RNF213: variants seen among roughly 807,000 people sequenced by gnomAD.
The protein encoded by RNF213 is ring finger protein 213.
In RNF213, 341 loss-of-function variants were observed where a neutral mutation model predicts 514.4. The observed-to-expected ratio is 0.66, with a 90% CI of 0.61 to 0.73. RNF213 has a LOEUF of 0.73. Among genes scored for constraint, RNF213 ranks in the 30% least tolerant of loss-of-function variants. The pLI, the probability that RNF213 is intolerant of heterozygous loss-of-function variation, is 0.00. For synonymous variants in RNF213, 2,655 were observed against 2,658.2 expected (o/e 1.00, Z 0.04); for missense variants, 5,767 against 6,615.6 (o/e 0.87, Z 4.45).
rs920092744 is a variant in RNF213, at chr17:80,334,189, A to C, written c.4228A>C (p.Ile1410Leu). Residue 1410 changes from isoleucine (I) to leucine (L), a missense_variant, in exon 22 of 68, where the codon ATC becomes CTC. Physicochemically the swap from Ile to Leu is conservative, Grantham distance 5. This residue lies in a region of RNF213 where 516 missense variants were observed against 566.5 expected (regional missense o/e 0.91). Coordinates refer to ENST00000582970, the MANE Select transcript of RNF213 (RefSeq NM_001256071.3). ...LIQAKKLLQD[I>L]SEARCKGLQA... is the part of the protein sequence containing the mutation. The stretch of plus-strand genomic sequence containing the variant: ...CCAGGCCAAAAAGCTGCTCCAGGAC[A>C]TCAGCGAGGCCCGGTGCAAGGGGCT... The C allele has an allele frequency of 5.2e-6, 8 of 1,537,252 alleles. No individual in the cohort carries two copies. Among genetic ancestry groups the C allele is most frequent in the Non-Finnish European group, 7.0e-6 (8 of 1,146,892 alleles).
intron 55 of RNF213, among the ~76,000 whole-genome samples, chr17:80,380,206 A>G (rs1249312660): frequency 6.6e-6 from 1 of 152,220 alleles, no homozygotes; most frequent in Non-Finnish European, 1.5e-5. Flanking sequence ...TACAAATCCG[A>G]TCCCACAATC....
At chr17:80,387,518 G>A (rs1394571382) in intron 63 of RNF213, among the ~76,000 whole-genome samples, 1 of 152,180 alleles carries the variant, frequency 6.6e-6, no homozygotes, top group Non-Finnish European at 1.5e-5. Context: ...TGCCTTCTGT[G>A]TGTCCTCACC....
At chr17:80,294,406 TC>T (rs1174355616) in intron 8 of RNF213, among the ~76,000 whole-genome samples, 1 of 152,184 alleles carries the variant, frequency 6.6e-6, no homozygotes, top group Non-Finnish European at 1.5e-5. Flanking sequence ...AAGTTGTTGA[TC>T]AAGTTTGCTG....
Position 80,377,969 on chromosome 17 carries a change from T to C in RNF213, c.13545+173T>C, listed in dbSNP as rs1568158879. Among the ~76,000 whole-genome samples the C allele has an allele frequency of 6.6e-6, 1 of 152,326 alleles. No homozygotes were observed. The highest frequency in any genetic ancestry group is 1.5e-5 in the Non-Finnish European group (1 of 68,020). Reference sequence around the variant, plus strand: ...CAATGCCAATGGCGCTAAGGGTTTCTAGCCCAGGGCTTCTCAGACTCAGCA... The same window carrying C: ...CAATGCCAATGGCGCTAAGGGTTTCCAGCCCAGGGCTTCTCAGACTCAGCA... On this transcript the variant is annotated intron_variant, in intron 54 of 67. Transcript: ENST00000582970. The surrounding 1 kb of genome is among the most constrained non-coding windows in gnomAD (Gnocchi z 4.1).
rs573217021 is a variant in RNF213, at chr17:80,304,808, A to G, written c.2211-1444A>G. Among the ~76,000 whole-genome samples, 5 of 152,246 alleles carry G rather than the reference A, an allele frequency of 3.3e-5. No individual in the cohort carries two copies. The South Asian group carries it at 1.0e-3, about 32-fold the overall frequency. On this transcript the variant is annotated intron_variant, in intron 11 of 67. Coordinates refer to ENST00000582970, the MANE Select transcript of RNF213 (RefSeq NM_001256071.3). ...TTCACACTGCTGTGTAGCCGTCAGC[A>G]CCATCCACCTCCCGAACTCAGCTTC... is the stretch of plus-strand genomic sequence containing the variant.
In RNF213 at chr17:80,277,369, G is replaced by A. The variant is rs138422793; in HGVS notation, c.261+3965G>A. Among the ~76,000 whole-genome samples, 9 of 152,048 alleles carry A rather than the reference G, an allele frequency of 5.9e-5. No individual in the cohort carries two copies. In the East Asian group the frequency reaches 9.7e-4, roughly 16 times the overall value. ...TCCCAGCACATTGGGAGGCTGAGGC[G>A]GGTGGATCACTTGAGGTCAGGAGTT... On this transcript the variant is annotated intron_variant, in intron 3 of 67. Transcript: ENST00000582970.
rs373760480 is a variant in RNF213, at chr17:80,319,174, C to A, written c.2902-16C>A. On this transcript the variant is annotated splice_polypyrimidine_tract_variant and intron_variant, in intron 16 of 67. Coordinates refer to ENST00000582970, the MANE Select transcript of RNF213 (RefSeq NM_001256071.3). The stretch of plus-strand genomic sequence containing the variant: ...CATCCGAAAGCTCTGAAACCACCCC[C>A]CTTTGATTTTTGCAGGAGGAACCCC... 1.9e-6 allele frequency: 3 copies of A among 1,614,144 alleles called. No homozygotes were observed. Among genetic ancestry groups the A allele is most frequent in the East Asian group, 4.5e-5 (2 of 44,880 alleles).
At chr17:80,372,291 G>T (rs1338273889) in intron 47 of RNF213, among the ~76,000 whole-genome samples, 1 of 151,910 alleles carries the variant, frequency 6.6e-6, no homozygotes, top group African/African-American at 2.4e-5. Flanking sequence ...TTTTTATAAT[G>T]TAAATAAATT....
chr17:80,295,529 A>C, intron 9 of RNF213, 28 bp from the exon 10 acceptor site: 6 of 1,613,768 alleles, frequency 3.7e-6, no homozygotes, highest in Non-Finnish European at 4.2e-6. Flanking sequence ...TCCATGGTTC[A>C]TGCATCTTCC....
rs778560811 is a variant in RNF213, at chr17:80,332,086, T to C, written c.3598T>C (p.Ser1200Pro). ...AAATGACACCGTGACAGTGAGACTG[T>C]CCACCTCCTCGAACTCGCAGAGGGC... ...RLNDTVTVRL[S>P]TSSNSQRATH... The change falls in exon 21 of 68, where the codon TCC becomes CCC. Residue 1200 changes from serine to proline, a missense_variant. Physicochemically the swap from Ser to Pro is moderately conservative, Grantham distance 74. Coordinates refer to ENST00000582970, the MANE Select transcript of RNF213 (RefSeq NM_001256071.3). 2.6e-6 allele frequency: 4 copies of C among 1,537,102 alleles called. No individual in the cohort carries two copies. The highest frequency in any genetic ancestry group is 2.7e-5 in the African/African-American group (2 of 73,050).
At chr17:80,322,796 T>C (rs1260486487) in intron 17 of RNF213, among the ~76,000 whole-genome samples, 1 of 152,206 alleles carries the variant, frequency 6.6e-6, no homozygotes, top group African/African-American at 2.4e-5. Flanking sequence ...ACTTGTCAGA[T>C]ATATGATTGC....
Position 80,397,260 on chromosome 17 carries a change from C to G in RNF213, c.*3762C>G, listed in dbSNP as rs2080683490. The stretch of plus-strand genomic sequence containing the variant: ...GCTCTCCCATTTGCCAGTTCTACAG[C>G]CATGGGCAAGTGGCTCGACCTCTCT... On this transcript the variant is annotated 3_prime_UTR_variant, in exon 68 of 68. Coordinates refer to ENST00000582970, the MANE Select transcript of RNF213 (RefSeq NM_001256071.3). The G allele has an allele frequency of 1.3e-5, 2 of 152,214 alleles. No homozygotes were observed. Among genetic ancestry groups the G allele is most frequent in the African/African-American group, 4.8e-5 (2 of 41,440 alleles). 9.4% of individuals were successfully genotyped at this position (152,214 alleles called of 1,614,324 possible).
intron 6 of RNF213, among the ~76,000 whole-genome samples, chr17:80,290,205 G>C (rs1215329320): frequency 6.6e-6 from 1 of 152,226 alleles, no homozygotes; most frequent in African/African-American, 2.4e-5. Context: ...GACCTCCATG[G>C]GGGGTGGTGT....
rs1300082623 is a variant in RNF213 at position 80,331,989 on chromosome 17, T to C, written c.3518-17T>C. 1.0e-5 allele frequency: 16 copies of C among 1,525,386 alleles called. No individual in the cohort carries two copies. In the East Asian group the frequency reaches 3.9e-4, roughly 38 times the overall value. The allele number at this position is 1,525,386 out of a possible 1,614,324, so 94.5% of individuals were successfully genotyped here. On this transcript the variant is annotated splice_polypyrimidine_tract_variant and intron_variant, in intron 20 of 67. Coordinates refer to ENST00000582970, the MANE Select transcript of RNF213 (RefSeq NM_001256071.3). ...ATTAGAGCTTTGACTTCTGACACTT[T>C]CTTTTCGCTTCTAAAGTGGACTTTG...
At position 80,323,941 on chromosome 17, in the gene RNF213, C is replaced by A. The variant is rs539604930; in HGVS notation, c.3025-1089C>A. Among the ~76,000 whole-genome samples, 5 of 152,066 alleles carry A rather than the reference C, an allele frequency of 3.3e-5. No individual in the cohort carries two copies. In the East Asian group the frequency reaches 5.8e-4, roughly 18 times the overall value. ...GCTCCATGCGTCTTGTATCCTGCAA[C>A]ATTGCTGAGCTCATTTGGTAGCTCA... On this transcript the variant is annotated intron_variant, in intron 17 of 67. Coordinates refer to ENST00000582970, the MANE Select transcript of RNF213 (RefSeq NM_001256071.3).
chr17:80,318,610 A>G (rs978335936), intron 16 of RNF213, among the ~76,000 whole-genome samples: 48 of 151,612 alleles, frequency 3.2e-4, no homozygotes, highest in South Asian at 8.3e-4. Flanking sequence ...GTCTCGCTCT[A>G]TCGCCCAGGC....
chr17:80,382,806 C>T (rs531492295), intron 57 of RNF213, 173 bp from the exon 58 acceptor site: 2 of 599,010 alleles, frequency 3.3e-6, no homozygotes, highest in East Asian at 6.1e-5. Flanking sequence ...TTCAAAAGGT[C>T]ATTAAGTTGG....
At chr17:80,269,482 TATCC>T (rs1024901468) in intron 2 of RNF213, among the ~76,000 whole-genome samples, 3 of 150,024 alleles carry the variant, frequency 2.0e-5, no homozygotes, top group Admixed American at 6.7e-5. Flanking sequence ...CTATTCTATC[TATCC>T]ATCCATCCAT....
chr17:80,335,878 G>A (rs1599047779), intron 22 of RNF213, among the ~76,000 whole-genome samples: 1 of 151,616 alleles, frequency 6.6e-6, no homozygotes, highest in East Asian at 2.0e-4. Context: ...ACGGGAGGCT[G>A]AGGCAAGAGA....
Sources: allele counts gnomAD v4.1 joint callset (sites outside exome capture counted in the v4.1 genomes callset), GRCh38; gene constraint gnomAD v4.1.1; regional missense constraint gnomAD v4.1.1; non-coding constraint Gnocchi (gnomAD v3.1); transcripts MANE v1.5; gene names NCBI Gene and HGNC (gene_info 2026-07-23, HGNC 2026-07-21).